The following TUFT1 variants were observed in gnomAD, a reference collection of about 807,000 sequenced individuals.
The protein encoded by TUFT1 is tuftelin 1, also known as tuftelin.
A neutral mutation model predicts 57.8 loss-of-function variants in TUFT1; 43 were observed. The ratio of observed to expected loss-of-function variants is 0.74; its 90% CI spans 0.58 to 0.96. TUFT1 has a LOEUF of 0.96. TUFT1 is among the 40% of genes least tolerant of loss of function. The probability of loss-of-function intolerance (pLI) is 0.00; values close to 1 mark genes in which losing one functional copy is unlikely to be tolerated. For synonymous variants in TUFT1, 166 were observed against 176.7 expected, an observed-to-expected ratio of 0.94 and a Z score of 0.48; for missense variants, 459 against 489.0, an observed-to-expected ratio of 0.94 and a Z score of 0.58.
intron 11 of TUFT1, among the ~76,000 whole-genome samples, chr1:151,580,628 C>A (rs61166903): frequency 1.4e-5 from 2 of 141,200 alleles, no homozygotes; most frequent in Admixed American, 1.5e-4. Flanking sequence ...CGCCACTGCA[C>A]TCCAGCCTGG....
intron 11 of TUFT1, among the ~76,000 whole-genome samples, chr1:151,580,037 G>A (rs1368016696): frequency 6.6e-6 from 1 of 152,202 alleles, no homozygotes; most frequent in Non-Finnish European, 1.5e-5. Context: ...TTGCAAAGGA[G>A]CTGGCAGTGG....
rs1346142791 is a variant in TUFT1 at position 151,583,307 on chromosome 1, A to G, written c.*1600A>G. 6.6e-6 allele frequency: 1 copy of G among 152,182 alleles called. No homozygotes were observed. The highest frequency in any genetic ancestry group is 2.4e-5 in the African/African-American group (1 of 41,428). The allele number at this position is 152,182 out of a possible 1,614,324, so 9.4% of individuals were successfully genotyped here. A position where few individuals can be genotyped will look rare whatever the true frequency, so the allele number is the denominator to read the frequency against. The stretch of plus-strand genomic sequence containing the variant: ...GGCATCAGAGTATGGTACTATAGGA[A>G]TCAGAAAAATTCAAAACAAATGTGG... On this transcript the variant is annotated 3_prime_UTR_variant, in exon 13 of 13. Transcript: ENST00000368849.
chr1:151,558,121 G>A (rs1420324040), intron 1 of TUFT1, among the ~76,000 whole-genome samples: 2 of 151,230 alleles, frequency 1.3e-5, no homozygotes, highest in Non-Finnish European at 2.9e-5. Context: ...TTTCTGTTTA[G>A]AGAACTTTTT....
At chr1:151,562,255 C>A in intron 2 of TUFT1, 90 bp downstream of exon 2, 2 of 1,193,928 alleles carry the variant, frequency 1.7e-6, no homozygotes, top group Non-Finnish European at 2.5e-6. Flanking sequence ...CTGGAGCCGA[C>A]TCTGGTGATG....
chr1:151,541,641 A>G (rs1188442304), intron 1 of TUFT1, among the ~76,000 whole-genome samples: 1 of 152,110 alleles, frequency 6.6e-6, no homozygotes, highest in Non-Finnish European at 1.5e-5. Flanking sequence ...ACAGATGGTC[A>G]TTTAGTTCTT....
At position 151,555,463 on chromosome 1, in the gene TUFT1, C is replaced by CTT. The variant is rs397981559; in HGVS notation, c.61-6615_61-6614dup. Among the ~76,000 whole-genome samples, 186 of 141,774 alleles carry CTT rather than the reference C, an allele frequency of 1.3e-3. 1 individual carries two copies. Among genetic ancestry groups the CTT allele is most frequent in the Middle Eastern group, 7.4e-3 (2 of 272 alleles). 93.0% of individuals were successfully genotyped at this position (141,774 alleles called of 152,430 possible). ...CAAGTACTTGAAGGAATATTAATTC[C>CTT]TTTTTTTTTTTTTTAACAAAAAAGA... is the stretch of plus-strand genomic sequence containing the variant. On this transcript the variant is annotated intron_variant, in intron 1 of 12. Coordinates refer to ENST00000368849, the MANE Select transcript of TUFT1 (RefSeq NM_020127.3).
intron 2 of TUFT1, 70 bp downstream of exon 2, chr1:151,562,235 C>T: frequency 7.2e-7 from 1 of 1,384,314 alleles, no homozygotes; most frequent in Non-Finnish European, 1.0e-6. Context: ...GCCTCTTACC[C>T]AAGTACTGCC....
In TUFT1 at chr1:151,572,238, T is replaced by TTA. The variant is rs879437061; in HGVS notation, c.595-2032_595-2031insTA. On this transcript the variant is annotated intron_variant, in intron 7 of 12. Coordinates refer to ENST00000368849, the MANE Select transcript of TUFT1 (RefSeq NM_020127.3). The stretch of plus-strand genomic sequence containing the variant: ...TATGGTACATAAATAATTTTTTTTT[T>TTA]AAAAAAGGAGGTGCTCCTCGGGTCA... 2.1e-3 allele frequency among the ~76,000 whole-genome samples: 321 copies of TTA among 151,850 alleles called. 1 individual carries two copies. Among genetic ancestry groups the TTA allele is most frequent in the Non-Finnish European group, 3.4e-3 (231 of 67,904 alleles).
At chr1:151,577,989 G>A (rs1666530262) in intron 9 of TUFT1, among the ~76,000 whole-genome samples, 3 of 151,264 alleles carry the variant, frequency 2.0e-5, no homozygotes, top group Admixed American at 2.0e-4. Context: ...TTGCATTATT[G>A]CACTCCAGCC....
At chr1:151,550,517 A>G (rs961454292) in intron 1 of TUFT1, among the ~76,000 whole-genome samples, 1 of 144,758 alleles carries the variant, frequency 6.9e-6, no homozygotes, top group Non-Finnish European at 1.5e-5. Flanking sequence ...GCTAATTTTT[A>G]TATTTTCAGT....
intron 1 of TUFT1, among the ~76,000 whole-genome samples, chr1:151,555,816 G>A (rs1310622136): frequency 6.6e-6 from 1 of 150,690 alleles, no homozygotes; most frequent in Non-Finnish European, 1.5e-5. Flanking sequence ...AGATTCACAT[G>A]CAGTTATAAG....
At chr1:151,540,551 G>A in intron 1 of TUFT1, 125 bp downstream of exon 1, 1 of 1,066,508 alleles carries the variant, frequency 9.4e-7, no homozygotes, top group Non-Finnish European at 1.4e-6. Flanking sequence ...TCAGCCCTGC[G>A]CGGCGCTTCT....
chr1:151,564,506 T>C lies in TUFT1; in HGVS notation c.325-19T>C, dbSNP rs1354797145. On this transcript the variant is annotated intron_variant, in intron 4 of 12. Coordinates refer to ENST00000368849, the MANE Select transcript of TUFT1 (RefSeq NM_020127.3). Reference sequence around the variant, plus strand: ...CTTTCTCTACCCTAAAGCTCAAGTTTCTTCCCCTCCCCTCCCAGGCCAGGA... The same window carrying C: ...CTTTCTCTACCCTAAAGCTCAAGTTCCTTCCCCTCCCCTCCCAGGCCAGGA... 9 of 1,605,742 alleles carry C rather than the reference T, an allele frequency of 5.6e-6. No individual in the cohort carries two copies. The highest frequency in any genetic ancestry group is 1.3e-5 in the African/African-American group (1 of 74,722).
chr1:151,545,137 C>T (rs980944235), intron 1 of TUFT1, among the ~76,000 whole-genome samples: 5 of 151,962 alleles, frequency 3.3e-5, no homozygotes, highest in South Asian at 4.1e-4. Context: ...ATGGCAAAAC[C>T]CCATCTCTAC....
At chr1:151,564,901 C>T (rs1666014410) in intron 5 of TUFT1, 1 of 235,076 alleles carries the variant, frequency 4.3e-6, no homozygotes, top group Non-Finnish European at 8.3e-6. Context: ...TGTTAGCAAA[C>T]CTCTTATCTA....
intron 1 of TUFT1, among the ~76,000 whole-genome samples, chr1:151,551,417 G>C (rs1019656857): frequency 1.3e-5 from 2 of 152,036 alleles, no homozygotes; most frequent in African/African-American, 4.8e-5. Context: ...TGATTTTCTC[G>C]GGGGAGATGA....
At chr1:151,558,168 TTC>T (rs923969732) in intron 1 of TUFT1, among the ~76,000 whole-genome samples, 1 of 151,628 alleles carries the variant, frequency 6.6e-6, no homozygotes, top group Non-Finnish European at 1.5e-5. Flanking sequence ...TGGTGAGAAA[TTC>T]TCTTAGTTTT....
chr1:151,581,818 C>T lies in TUFT1; in HGVS notation c.*111C>T, dbSNP rs868576796. The stretch of plus-strand genomic sequence containing the variant: ...ACTTCCTGACTGTCCCCTGGCTGCA[C>T]CCAGGACTTCGGGCTCCTGTGTCTC... On this transcript the variant is annotated 3_prime_UTR_variant, in exon 13 of 13. Coordinates refer to ENST00000368849, the MANE Select transcript of TUFT1 (RefSeq NM_020127.3). The T allele has an allele frequency of 1.7e-5, 20 of 1,168,382 alleles. No homozygotes were observed. Among genetic ancestry groups the T allele is most frequent in the Admixed American group, 9.6e-5 (5 of 52,210 alleles). The allele number at this position is 1,168,382 out of a possible 1,614,324, so 72.4% of individuals were successfully genotyped here. A position where few individuals can be genotyped will look rare whatever the true frequency, so the allele number is the denominator to read the frequency against.
Position 151,580,923 on chromosome 1 carries a change from C to T in TUFT1, c.1009-19C>T. 2 of 1,612,414 alleles carry T rather than the reference C, an allele frequency of 1.2e-6. No homozygotes were observed. Among genetic ancestry groups the T allele is most frequent in the Non-Finnish European group, 1.7e-6 (2 of 1,178,498 alleles). On this transcript the variant is annotated intron_variant, in intron 11 of 12. Transcript: ENST00000368849. ...AAGCCAGAAAAAGGCCAACTCTAAC[C>T]CCTAAGCTTGTGTTACAGAATTTAG... is the stretch of plus-strand genomic sequence containing the variant.
Sources: gnomAD v4.1 joint callset for allele counts (sites outside exome capture counted in the v4.1 genomes callset) on GRCh38, gnomAD v4.1.1 for gene constraint, MANE v1.5 for transcripts, NCBI Gene and HGNC (gene_info 2026-07-23, HGNC 2026-07-21) for gene names.